Variants in UNC13C observed in about 807,000 individuals in gnomAD.
UNC13C encodes the protein protein unc-13 homolog C.
A neutral mutation model predicts 245.4 loss-of-function variants in UNC13C; 174 were observed. That is an observed-to-expected ratio of 0.71 (90% CI 0.63 to 0.80). UNC13C has a LOEUF of 0.80. Among genes scored for constraint, UNC13C ranks in the 30% least tolerant of loss-of-function variants. The probability of loss-of-function intolerance (pLI) is 0.00; values close to 1 mark genes in which losing one functional copy is unlikely to be tolerated. For synonymous variants in UNC13C, 992 were observed against 895.1 expected (o/e 1.11, Z -1.93); for missense variants, 2,829 against 2,602.9 (o/e 1.09, Z -1.89).
At chr15:54,073,044 C>T (rs144097009) in intron 2 of UNC13C, among the ~76,000 whole-genome samples, 4,861 of 152,132 alleles carry the variant, frequency 0.032, 270 homozygotes, top group African/African-American at 0.11. Flanking sequence ...CCTCCACCCC[C>T]CGACAGGCCC....
chr15:54,578,425 C>A (rs1220303143), intron 30 of UNC13C, among the ~76,000 whole-genome samples: 1 of 152,048 alleles, frequency 6.6e-6, no homozygotes, highest in Non-Finnish European at 1.5e-5. Context: ...AGATCTTATT[C>A]CAAGGTTATG....
chr15:54,479,950 G>A (rs2414321), intron 19 of UNC13C, among the ~76,000 whole-genome samples: 1 of 151,732 alleles, frequency 6.6e-6, no homozygotes, highest in Non-Finnish European at 1.5e-5. Flanking sequence ...GCAGTTTTTT[G>A]TTGTTGCTGT....
chr15:54,128,158 A>G (rs1320053702), intron 2 of UNC13C, among the ~76,000 whole-genome samples: 1 of 152,130 alleles, frequency 6.6e-6, no homozygotes, highest in Non-Finnish European at 1.5e-5. Flanking sequence ...ACACAATCCC[A>G]TTTACAATAG....
At chr15:54,496,798 T>G (rs1413579521) in intron 20 of UNC13C, among the ~76,000 whole-genome samples, 1 of 147,958 alleles carries the variant, frequency 6.8e-6, no homozygotes, top group African/African-American at 2.5e-5. Context: ...AATGATACAA[T>G]GGACTTTGAG....
chr15:54,583,300 AT>A (rs926391613), intron 30 of UNC13C, among the ~76,000 whole-genome samples: 1 of 152,086 alleles, frequency 6.6e-6, no homozygotes, highest in East Asian at 1.9e-4. Context: ...AATGAAAACT[AT>A]TTTTTTTCCA....
At chr15:54,552,638 TAA>T (rs1896844871) in intron 28 of UNC13C, among the ~76,000 whole-genome samples, 2 of 75,482 alleles carry the variant, frequency 2.6e-5, no homozygotes, top group African/African-American at 6.3e-5. Flanking sequence ...TTGTACAATA[TAA>T]TATAATTATA....
chr15:54,435,504 AC>A (rs1431391994), intron 19 of UNC13C, among the ~76,000 whole-genome samples: 3 of 151,598 alleles, frequency 2.0e-5, no homozygotes, highest in African/African-American at 7.3e-5. Flanking sequence ...ATATGTTCTC[AC>A]TCATAAGTGG....
chr15:54,056,118 T>C (rs1044607871), intron 2 of UNC13C, among the ~76,000 whole-genome samples: 1 of 152,128 alleles, frequency 6.6e-6, no homozygotes, highest in Non-Finnish European at 1.5e-5. Context: ...GAGAATGACT[T>C]TGACGAGTTG....
At chr15:54,280,576 C>G (rs2036953046) in intron 10 of UNC13C, among the ~76,000 whole-genome samples, 1 of 149,792 alleles carries the variant, frequency 6.7e-6, no homozygotes, top group African/African-American at 2.5e-5. Context: ...TTCTGAAAAA[C>G]CCATTGTCTC....
chr15:53,880,178 G>A, the UNC13C span, among the ~76,000 whole-genome samples: 4 of 152,052 alleles, frequency 2.6e-5, no homozygotes, highest in East Asian at 3.9e-4. Flanking sequence ...CAGGATCTCC[G>A]AGACGTATTT....
chr15:54,617,934 T>C (rs1900548776), intron 30 of UNC13C, among the ~76,000 whole-genome samples: 1 of 152,070 alleles, frequency 6.6e-6, no homozygotes, highest in Non-Finnish European at 1.5e-5. Flanking sequence ...CCAGCAAAGG[T>C]GCATGGGGCC....
intron 2 of UNC13C, among the ~76,000 whole-genome samples, chr15:54,022,304 G>T (rs1217895994): frequency 2.0e-5 from 3 of 151,832 alleles, no homozygotes; most frequent in African/African-American, 4.8e-5. Flanking sequence ...TCACACTGTG[G>T]TTTTTTGGCT....
intron 8 of UNC13C, among the ~76,000 whole-genome samples, chr15:54,260,761 A>T (rs2036403844): frequency 6.7e-6 from 1 of 149,480 alleles, no homozygotes; most frequent in Non-Finnish European, 1.5e-5. Context: ...AGTTACGTAT[A>T]TAACAACTTC....
At chr15:54,274,912 C>A (rs367581115) in intron 10 of UNC13C, among the ~76,000 whole-genome samples, 6 of 151,842 alleles carry the variant, frequency 4.0e-5, no homozygotes, top group Non-Finnish European at 7.4e-5. Context: ...CCTTGTGATC[C>A]GCCTGCCTCG....
chr15:54,589,393 G>A (rs1596626084), intron 30 of UNC13C, among the ~76,000 whole-genome samples: 1 of 138,224 alleles, frequency 7.2e-6, no homozygotes, highest in East Asian at 2.4e-4. Context: ...CCGCCTCCTG[G>A]GTTCAAGTGA....
chr15:54,432,182 C>G (rs2040885582), intron 19 of UNC13C, among the ~76,000 whole-genome samples: 1 of 151,570 alleles, frequency 6.6e-6, no homozygotes. Flanking sequence ...GACATAGAAT[C>G]TCTGCCCTAA....
the UNC13C span, among the ~76,000 whole-genome samples, chr15:53,967,536 T>C: frequency 6.6e-6 from 1 of 152,148 alleles, no homozygotes; most frequent in Non-Finnish European, 1.5e-5. Flanking sequence ...TATCTTTGTT[T>C]GTCCCCACTT....
At chr15:54,246,750 G>A (rs1475110709) in intron 7 of UNC13C, among the ~76,000 whole-genome samples, 2 of 151,290 alleles carry the variant, frequency 1.3e-5, no homozygotes, top group Non-Finnish European at 2.9e-5. Flanking sequence ...GTGGCCTATC[G>A]GAGGGTGGGG....
At chr15:53,941,703 C>T in the UNC13C span, among the ~76,000 whole-genome samples, 1 of 151,480 alleles carries the variant, frequency 6.6e-6, no homozygotes, top group Non-Finnish European at 1.5e-5. Flanking sequence ...AGGGAACTTA[C>T]ACAAAATTAC....
Sources: allele counts gnomAD v4.1 joint callset (sites outside exome capture counted in the v4.1 genomes callset), GRCh38; gene constraint gnomAD v4.1.1; transcripts MANE v1.5; gene names NCBI Gene and HGNC (gene_info 2026-07-23, HGNC 2026-07-21).